The following PAX5 variants were observed in gnomAD, a reference collection of about 807,000 sequenced individuals.
The protein encoded by PAX5 is paired box protein Pax-5.
PAX5 carries 9 observed loss-of-function variants against 43.7 expected under a neutral mutation model. The ratio of observed to expected loss-of-function variants is 0.21; its 90% CI spans 0.12 to 0.36. The LOEUF (loss-of-function observed/expected upper bound fraction) is 0.36. PAX5 is among the 10% of genes least tolerant of loss of function. The pLI, the probability that PAX5 is intolerant of heterozygous loss-of-function variation, is 1.00. For missense variants in PAX5, 383 were observed against 532.7 expected, an observed-to-expected ratio of 0.72 and a Z score of 2.77; for synonymous variants, 228 against 214.3, an observed-to-expected ratio of 1.06 and a Z score of -0.56.
In PAX5 at chr9:36,870,253, A is replaced by G. The variant is rs529181195; in HGVS notation, c.1012+11751T>C. On this transcript the variant is annotated intron_variant, in intron 8 of 9. Coordinates refer to ENST00000358127, the MANE Select transcript of PAX5 (RefSeq NM_016734.3). Reference sequence around the variant, plus strand: ...AATACATTTCAACAGGCTCTCTCCCAAGCCCCTTCTTCTAGGACACGGAGG... The same window carrying G: ...AATACATTTCAACAGGCTCTCTCCCGAGCCCCTTCTTCTAGGACACGGAGG... Among the ~76,000 whole-genome samples the G allele has an allele frequency of 1.3e-4, 20 of 152,350 alleles. 1 individual carries two copies. In the East Asian group the frequency reaches 3.1e-3, roughly 23 times the overall value.
intron 1 of PAX5, 101 bp from the exon 2 acceptor site, chr9:37,020,902 T>G: frequency 7.9e-7 from 1 of 1,271,928 alleles, no homozygotes; most frequent in South Asian, 1.4e-5. Context: ...TGATCACAAA[T>G]GGCCGGCAGG....
intron 6 of PAX5, among the ~76,000 whole-genome samples, chr9:36,953,623 A>G (rs1833192225): frequency 6.6e-6 from 1 of 152,168 alleles, no homozygotes; most frequent in Non-Finnish European, 1.5e-5. Context: ...TGATGAGCCC[A>G]GCAAAGAAAG....
At position 36,923,454 on chromosome 9, in the gene PAX5, C is replaced by T; in HGVS notation, c.811G>A (p.Ala271Thr). 1 of 1,612,044 alleles carries T rather than the reference C, an allele frequency of 6.2e-7. No homozygotes were observed. Among genetic ancestry groups the T allele is most frequent in the South Asian group, 1.1e-5 (1 of 91,052 alleles). The change falls in exon 7 of 10, where the codon GCT becomes ACT. Residue 271 changes from alanine (A) to threonine (T), a missense_variant. Ala to Thr is a moderately conservative substitution (Grantham distance 58). Around this residue, in one of 5 missense-constraint regions of PAX5, gnomAD observed 291 missense variants for 342.5 expected, o/e 0.85. Transcript: ENST00000358127. ...GCCTTCATGTCGTCCAGCCCACCAG[C>T]CAGCGAGGCCATGGCTGAATACTCT... is the stretch of plus-strand genomic sequence containing the variant. ...TTEYSAMASLAGGLDDMKANL... is the reference protein window; with the variant it reads ...TTEYSAMASLTGGLDDMKANL...
intron 1 of PAX5, among the ~76,000 whole-genome samples, chr9:37,027,973 G>A (rs1298391346): frequency 6.6e-6 from 1 of 152,258 alleles, no homozygotes; most frequent in Non-Finnish European, 1.5e-5. Flanking sequence ...GGAGGGGAAA[G>A]GGGCCCACGC....
chr9:36,882,120 C>T lies in PAX5; in HGVS notation c.911-15G>A, dbSNP rs376322567. 2.6e-6 allele frequency: 4 copies of T among 1,567,418 alleles called. No individual in the cohort carries two copies. In the African/African-American group the frequency reaches 5.4e-5, roughly 21 times the overall value. On this transcript the variant is annotated splice_polypyrimidine_tract_variant and intron_variant, in intron 7 of 9. Transcript: ENST00000358127. This position sits in a 1 kb window ranked among gnomAD's most constrained non-coding sequence, Gnocchi z 4.4. ...CAAGTCACGGCCTGAGGAATCAAAG[C>T]AACAAATCACAGGGTGAGCATCTTC...
chr9:36,983,526 T>C (rs563778139), intron 5 of PAX5, among the ~76,000 whole-genome samples: 1 of 152,314 alleles, frequency 6.6e-6, no homozygotes, highest in Admixed American at 6.5e-5. Context: ...TGTGTATGAG[T>C]GGATTCTATT....
intron 6 of PAX5, among the ~76,000 whole-genome samples, chr9:36,924,185 C>G (rs1830401883): frequency 6.6e-6 from 1 of 152,176 alleles, no homozygotes; most frequent in African/African-American, 2.4e-5. Context: ...TCTAATTTAC[C>G]AAGTCCACAC....
At position 36,931,869 on chromosome 9, in the gene PAX5, AT is replaced by A. The variant is rs1268491132; in HGVS notation, c.781-8386del. Among the ~76,000 whole-genome samples, 62 of 135,290 alleles carry A rather than the reference AT, an allele frequency of 4.6e-4. 1 individual carries two copies. The highest frequency in any genetic ancestry group is 1.6e-3 in the African/African-American group (59 of 37,636). The allele number at this position is 135,290 out of a possible 152,430, so 88.8% of individuals were successfully genotyped here. On this transcript the variant is annotated intron_variant, in intron 6 of 9. Transcript: ENST00000358127. ...CTGTCTCAAAAAAAAAAAAAAAAAA[AT>A]CATAACATATAATGAGACAATTGGC...
intron 8 of PAX5, among the ~76,000 whole-genome samples, chr9:36,873,826 G>T (rs1825694679): frequency 6.6e-6 from 1 of 152,216 alleles, no homozygotes; most frequent in Non-Finnish European, 1.5e-5. Flanking sequence ...TTGATACAAG[G>T]CTGGAAAAGG....
intron 7 of PAX5, among the ~76,000 whole-genome samples, chr9:36,894,922 C>T (rs2131830881): frequency 6.6e-6 from 1 of 152,356 alleles, no homozygotes; most frequent in Non-Finnish European, 1.5e-5. Context: ...CTGCCACTTA[C>T]CAGCCGTGTG....
intron 7 of PAX5, among the ~76,000 whole-genome samples, chr9:36,892,271 T>C (rs1827465411): frequency 6.6e-6 from 1 of 152,212 alleles, no homozygotes. Flanking sequence ...GTGACTTTAT[T>C]CATTCGTTCA....
chr9:36,879,175 C>T (rs1826178314), intron 8 of PAX5, among the ~76,000 whole-genome samples: 1 of 152,222 alleles, frequency 6.6e-6, no homozygotes, highest in African/African-American at 2.4e-5. Flanking sequence ...AGCTGTGCCC[C>T]TGCTCGGGCC....
At chr9:36,841,646 T>C (rs1822063809) in intron 9 of PAX5, among the ~76,000 whole-genome samples, 1 of 152,224 alleles carries the variant, frequency 6.6e-6, no homozygotes, top group South Asian at 2.1e-4. Context: ...TGGAGCCATA[T>C]GTGGCACCTG....
intron 4 of PAX5, among the ~76,000 whole-genome samples, chr9:37,004,750 A>G (rs560025115): frequency 6.6e-6 from 1 of 152,328 alleles, no homozygotes; most frequent in South Asian, 2.1e-4. Flanking sequence ...AACAACAACC[A>G]CCATATATAA....
intron 8 of PAX5, among the ~76,000 whole-genome samples, chr9:36,859,071 G>C (rs921473284): frequency 2.6e-5 from 4 of 152,122 alleles, no homozygotes; most frequent in Non-Finnish European, 5.9e-5. Context: ...GGACGCTCGG[G>C]GTTCACTGTG....
At position 36,836,861 on chromosome 9, in the gene PAX5, C is replaced by G. The variant is rs1402577876; in HGVS notation, c.*3699G>C. On this transcript the variant is annotated 3_prime_UTR_variant, in exon 10 of 10. Transcript: ENST00000358127. ...GGCTGGACCCATGTCCAGGCCTGGT[C>G]AGGGATTATGGCATGGCCTTGAATT... is the stretch of plus-strand genomic sequence containing the variant. 4.3e-6 allele frequency: 1 copy of G among 232,360 alleles called. No homozygotes were observed. Among genetic ancestry groups the G allele is most frequent in the African/African-American group, 2.2e-5 (1 of 45,280 alleles). The allele number at this position is 232,360 out of a possible 1,614,324, so 14.4% of individuals were successfully genotyped here. A position where few individuals can be genotyped will look rare whatever the true frequency, so the allele number is the denominator to read the frequency against.
chr9:36,949,269 C>A (rs1044700543), intron 6 of PAX5, among the ~76,000 whole-genome samples: 5 of 152,108 alleles, frequency 3.3e-5, no homozygotes, highest in African/African-American at 1.2e-4. Context: ...ACCATGCTAG[C>A]CAGGATGGCC....
At chr9:36,906,040 A>T (rs1327143971) in intron 7 of PAX5, among the ~76,000 whole-genome samples, 1 of 152,140 alleles carries the variant, frequency 6.6e-6, no homozygotes, top group Non-Finnish European at 1.5e-5. Context: ...GGAGCAAAAG[A>T]GGTGCCCAGT....
intron 5 of PAX5, among the ~76,000 whole-genome samples, chr9:36,999,688 T>A (rs1837685964): frequency 6.6e-6 from 1 of 152,228 alleles, no homozygotes; most frequent in Non-Finnish European, 1.5e-5. Flanking sequence ...TCTCTCAGGC[T>A]GCTGATGGTA....
Sources: allele counts gnomAD v4.1 joint callset (sites outside exome capture counted in the v4.1 genomes callset), GRCh38; gene constraint gnomAD v4.1.1; regional missense constraint gnomAD v4.1.1; non-coding constraint Gnocchi (gnomAD v3.1); transcripts MANE v1.5; gene names NCBI Gene and HGNC (gene_info 2026-07-23, HGNC 2026-07-21).